The following PARL variants were observed in gnomAD, a reference collection of about 807,000 sequenced individuals.
PARL encodes presenilin-associated rhomboid-like protein, mitochondrial.
Under a neutral mutation model 51.6 loss-of-function variants are expected in PARL, and 44 were observed. The observed-to-expected ratio is 0.85, with a 90% CI of 0.67 to 1.10. The LOEUF is 1.10. Among genes scored for constraint, PARL ranks in the 50% least tolerant of loss-of-function variants. The probability of loss-of-function intolerance (pLI) is 0.00; values close to 1 mark genes in which losing one functional copy is unlikely to be tolerated. For synonymous variants in PARL, 172 were observed against 164.0 expected, an observed-to-expected ratio of 1.05 and a Z score of -0.37; for missense variants, 441 against 469.5, an observed-to-expected ratio of 0.94 and a Z score of 0.56.
At chr3:183,855,667 T>C (rs1197313197) in intron 4 of PARL, among the ~76,000 whole-genome samples, 2 of 152,180 alleles carry the variant, frequency 1.3e-5, no homozygotes, top group African/African-American at 4.8e-5. Flanking sequence ...CCTGAGCTTG[T>C]TTCCCTGCAA....
In PARL at chr3:183,829,279, G is replaced by C. The variant is rs1727640859; in HGVS notation, c.*319C>G. ...AAAGACAGGCAACCAGCGCCTTCAT[G>C]TTCTGATCAGGCCTTTCAGGGTGCA... is the stretch of plus-strand genomic sequence containing the variant. On this transcript the variant is annotated 3_prime_UTR_variant, in exon 10 of 10. Coordinates refer to ENST00000317096, the MANE Select transcript of PARL (RefSeq NM_018622.7). 3 of 593,584 alleles carry C rather than the reference G, an allele frequency of 5.1e-6. No individual in the cohort carries two copies. The African/African-American group carries it at 5.7e-5, about 11-fold the overall frequency. 36.8% of individuals were successfully genotyped at this position (593,584 alleles called of 1,614,324 possible). A position where few individuals can be genotyped will look rare whatever the true frequency, so the allele number is the denominator to read the frequency against.
At chr3:183,853,945 T>G (rs892537040) in intron 4 of PARL, among the ~76,000 whole-genome samples, 1 of 151,966 alleles carries the variant, frequency 6.6e-6, no homozygotes, top group Non-Finnish European at 1.5e-5. Context: ...TGGATATACA[T>G]CCAAAAGAAT....
intron 1 of PARL, among the ~76,000 whole-genome samples, chr3:183,878,022 C>T (rs1185914612): frequency 6.6e-6 from 1 of 152,188 alleles, no homozygotes; most frequent in African/African-American, 2.4e-5. Flanking sequence ...AACTCCTGAG[C>T]TCAAGTGATC....
At chr3:183,852,184 G>C (rs566484007) in intron 4 of PARL, among the ~76,000 whole-genome samples, 144 of 152,214 alleles carry the variant, frequency 9.5e-4, no homozygotes, top group African/African-American at 3.4e-3. Flanking sequence ...TATTGCCAAG[G>C]ATGTGGGGAT....
intron 1 of PARL, among the ~76,000 whole-genome samples, chr3:183,869,086 C>G (rs1028917115): frequency 1.3e-5 from 2 of 152,186 alleles, no homozygotes; most frequent in African/African-American, 4.8e-5. Flanking sequence ...TTTTCCTCTA[C>G]CCCATTCAAA....
intron 4 of PARL, among the ~76,000 whole-genome samples, chr3:183,848,511 A>G (rs761291225): frequency 6.6e-6 from 1 of 152,178 alleles, no homozygotes; most frequent in East Asian, 1.9e-4. Flanking sequence ...AAAGCTTTGC[A>G]GCATTTTAAC....
At chr3:183,876,786 T>C (rs116031305) in intron 1 of PARL, among the ~76,000 whole-genome samples, 569 of 152,274 alleles carry the variant, frequency 3.7e-3, no homozygotes, top group African/African-American at 0.013. Context: ...TCGGGAACAC[T>C]CATGATTCAT....
chr3:183,858,705 A>G (rs1249613480), intron 4 of PARL, among the ~76,000 whole-genome samples: 1 of 152,168 alleles, frequency 6.6e-6, no homozygotes, highest in Non-Finnish European at 1.5e-5. Flanking sequence ...GACCTCTAGG[A>G]GAGGCTTAAA....
At chr3:183,826,708 G>A (rs1560359489), downstream of PARL, 3 of 985,238 alleles carry the variant, frequency 3.0e-6, no homozygotes, top group African/African-American at 1.7e-5. Flanking sequence ...GGCAGCAGGC[G>A]AGGCGCCAGG....
chr3:183,839,610 G>C (rs1027529234), intron 7 of PARL, among the ~76,000 whole-genome samples: 8 of 152,034 alleles, frequency 5.3e-5, no homozygotes, highest in Admixed American at 1.3e-4. Flanking sequence ...GGAGGGACAG[G>C]GTTTCACCAT....
rs138042871 is a variant in PARL, at chr3:183,873,021, G to A, written c.126-4961C>T. ...ACCATCAGTTTATTTACTGCCAAAT[G>A]TATTCCTGGTATAATTTTTAAAGTG... On this transcript the variant is annotated intron_variant, in intron 1 of 9. Coordinates refer to ENST00000317096, the MANE Select transcript of PARL (RefSeq NM_018622.7). 1.4e-3 allele frequency among the ~76,000 whole-genome samples: 209 copies of A among 152,258 alleles called. 3 individuals carry two copies. In the East Asian group the frequency reaches 0.036, roughly 26 times the overall value.
chr3:183,840,358 C>T (rs1172283539), intron 7 of PARL, among the ~76,000 whole-genome samples: 3 of 152,088 alleles, frequency 2.0e-5, no homozygotes, highest in East Asian at 3.9e-4. Context: ...AAGCTATAGC[C>T]GGACATTTAC....
At chr3:183,838,825 C>T (rs1728965636) in intron 7 of PARL, among the ~76,000 whole-genome samples, 1 of 152,218 alleles carries the variant, frequency 6.6e-6, no homozygotes, top group Non-Finnish European at 1.5e-5. Context: ...TCCAAGAGCA[C>T]ATCAAAATGC....
At position 183,829,919 on chromosome 3, in the gene PARL, G is replaced by A. The variant is rs558239917; in HGVS notation, c.1029-210C>T. Among the ~76,000 whole-genome samples, 8 of 152,276 alleles carry A rather than the reference G, an allele frequency of 5.3e-5. No homozygotes were observed. The East Asian group carries it at 7.7e-4, about 15-fold the overall frequency. ...GGATGGGACGATGGCTGAATGCTCCGCAGTGTGTGAGTACTTCACATATAC... is the reference window on the plus strand; with the variant it reads ...GGATGGGACGATGGCTGAATGCTCCACAGTGTGTGAGTACTTCACATATAC... On this transcript the variant is annotated intron_variant, in intron 9 of 9. Coordinates refer to ENST00000317096, the MANE Select transcript of PARL (RefSeq NM_018622.7).
chr3:183,853,324 A>AT (rs1730759605), intron 4 of PARL, among the ~76,000 whole-genome samples: 1 of 152,148 alleles, frequency 6.6e-6, no homozygotes. Flanking sequence ...GCACTTTGGG[A>AT]GGCTGAGGTA....
In PARL at chr3:183,882,249, A is replaced by ATT. The variant is rs1325174907; in HGVS notation, c.125+2472_125+2473insAA. Among the ~76,000 whole-genome samples, 93 of 43,900 alleles carry ATT rather than the reference A, an allele frequency of 2.1e-3. 3 individuals are homozygous for ATT. In the East Asian group the frequency reaches 0.023, roughly 11 times the overall value. The allele number at this position is 43,900 out of a possible 152,430, so 28.8% of individuals were successfully genotyped here. On this transcript the variant is annotated intron_variant, in intron 1 of 9. Transcript: ENST00000317096. ...TATATATATATATATATATATTTAT[A>ATT]TATATATATATATATATATTTATAT...
At chr3:183,870,044 G>C (rs1732993417) in intron 1 of PARL, among the ~76,000 whole-genome samples, 1 of 151,206 alleles carries the variant, frequency 6.6e-6, no homozygotes. Context: ...TTGGGAGGCT[G>C]AGGCAGGTGG....
At position 183,867,906 on chromosome 3, in the gene PARL, G is replaced by C; in HGVS notation, c.280C>G (p.Pro94Ala). ...EETVFYPSPY[P>A]IRSLIKPLFF... The stretch of plus-strand genomic sequence containing the variant: ...AAAGGTTTTATGAGACTCCTTATAG[G>C]ATAGGGAGAAGGATAAAAGACTGTT... The change falls in exon 2 of 10, where the codon CCT becomes GCT. Residue 94 changes from proline to alanine, a missense_variant. Coordinates refer to ENST00000317096, the MANE Select transcript of PARL (RefSeq NM_018622.7). 2 of 1,613,518 alleles carry C rather than the reference G, an allele frequency of 1.2e-6. No individual in the cohort carries two copies. The highest frequency in any genetic ancestry group is 1.1e-5 in the South Asian group (1 of 91,052).
At chr3:183,847,946 T>C (rs1349122868) in intron 4 of PARL, among the ~76,000 whole-genome samples, 1 of 152,230 alleles carries the variant, frequency 6.6e-6, no homozygotes, top group Non-Finnish European at 1.5e-5. Flanking sequence ...TGCTTCTTCC[T>C]GACTCGGTAA....
Sources: allele counts gnomAD v4.1 joint callset (sites outside exome capture counted in the v4.1 genomes callset), GRCh38; gene constraint gnomAD v4.1.1; transcripts MANE v1.5; gene names NCBI Gene and HGNC (gene_info 2026-07-23, HGNC 2026-07-21).